The following CHCHD3 variants were observed in gnomAD, a reference collection of about 807,000 sequenced individuals.
CHCHD3 encodes the protein coiled-coil-helix-coiled-coil-helix domain containing 3.
A neutral mutation model predicts 38.2 loss-of-function variants in CHCHD3; 20 were observed. The ratio of observed to expected loss-of-function variants is 0.52; its 90% CI spans 0.37 to 0.76. The LOEUF is 0.76. Among genes scored for constraint, CHCHD3 ranks in the 30% least tolerant of loss-of-function variants. The pLI is 0.00. For synonymous variants in CHCHD3, 82 were observed against 100.0 expected (o/e 0.82, Z 1.07); for missense variants, 245 against 279.2 (o/e 0.88, Z 0.87).
intron 3 of CHCHD3, among the ~76,000 whole-genome samples, chr7:133,012,210 A>T (rs1018489350): frequency 5.3e-5 from 8 of 152,236 alleles, no homozygotes; most frequent in African/African-American, 1.9e-4. Context: ...CTTTAATTCT[A>T]TAAAAACTGA....
intron 3 of CHCHD3, among the ~76,000 whole-genome samples, chr7:133,020,542 G>A (rs1397911929): frequency 1.3e-5 from 2 of 152,190 alleles, no homozygotes; most frequent in Admixed American, 6.5e-5. Context: ...AAATTTTATG[G>A]TCTGAAGTGT....
chr7:133,026,171 GA>G (rs1813331547), intron 2 of CHCHD3, among the ~76,000 whole-genome samples: 1 of 152,056 alleles, frequency 6.6e-6, no homozygotes, highest in African/African-American at 2.4e-5. Context: ...AATATATAAA[GA>G]ACTCTTACAG....
intron 4 of CHCHD3, among the ~76,000 whole-genome samples, chr7:132,972,073 T>C (rs1399929688): frequency 2.0e-5 from 3 of 152,164 alleles, no homozygotes; most frequent in Non-Finnish European, 2.9e-5. Flanking sequence ...ATAAAATATA[T>C]ACATATGGGG....
At chr7:133,057,579 G>GA (rs1009795165) in intron 2 of CHCHD3, among the ~76,000 whole-genome samples, 6 of 151,682 alleles carry the variant, frequency 4.0e-5, no homozygotes, top group Non-Finnish European at 8.8e-5. Flanking sequence ...GAAAAAAAAA[G>GA]AAAAAAGGTT....
intron 5 of CHCHD3, among the ~76,000 whole-genome samples, chr7:132,878,101 T>G (rs1222778416): frequency 1.3e-5 from 2 of 152,196 alleles, no homozygotes; most frequent in African/African-American, 4.8e-5. Context: ...GTATCTCAGA[T>G]GTCAGTAGAC....
At chr7:133,003,660 TAC>T (rs577627943) in intron 3 of CHCHD3, among the ~76,000 whole-genome samples, 57 of 152,296 alleles carry the variant, frequency 3.7e-4, no homozygotes, top group South Asian at 1.0e-3. Context: ...TGTTCAAATT[TAC>T]ACAGTCTTCT....
chr7:133,019,459 C>T (rs1813122236), intron 3 of CHCHD3, among the ~76,000 whole-genome samples: 1 of 152,010 alleles, frequency 6.6e-6, no homozygotes, highest in Non-Finnish European at 1.5e-5. Context: ...ATCAACAATG[C>T]TATCAATGGA....
intron 5 of CHCHD3, among the ~76,000 whole-genome samples, chr7:132,847,854 G>A (rs1808119636): frequency 6.6e-6 from 1 of 152,174 alleles, no homozygotes; most frequent in African/African-American, 2.4e-5. Flanking sequence ...TAAGAAAAAT[G>A]TAACTGGCTC....
intron 6 of CHCHD3, chr7:132,813,620 G>A (rs945483566): frequency 6.6e-6 from 1 of 152,118 alleles, no homozygotes; most frequent in African/African-American, 2.4e-5. Context: ...ATATATTTCT[G>A]CAGGTTATTC....
intron 4 of CHCHD3, among the ~76,000 whole-genome samples, chr7:132,948,252 T>G (rs2117282341): frequency 6.6e-6 from 1 of 152,244 alleles, no homozygotes; most frequent in East Asian, 1.9e-4. Flanking sequence ...TGACTCTGAC[T>G]GCTGGCTGTT....
At chr7:132,976,631 G>A (rs975820459) in intron 3 of CHCHD3, among the ~76,000 whole-genome samples, 4 of 152,050 alleles carry the variant, frequency 2.6e-5, no homozygotes, top group East Asian at 3.8e-4. Context: ...GCTTTAAAAA[G>A]GAAAAGTAAA....
At chr7:132,822,603 A>G (rs901354192) in intron 6 of CHCHD3, among the ~76,000 whole-genome samples, 2 of 152,150 alleles carry the variant, frequency 1.3e-5, no homozygotes, top group African/African-American at 4.8e-5. Flanking sequence ...ATTAACCCTT[A>G]TTAACAACCC....
chr7:133,056,106 C>G (rs1329713814), intron 2 of CHCHD3, among the ~76,000 whole-genome samples: 1 of 151,768 alleles, frequency 6.6e-6, no homozygotes, highest in Non-Finnish European at 1.5e-5. Flanking sequence ...TATGATCACA[C>G]CACTGCATTC....
At chr7:133,031,016 T>G (rs181998410) in intron 2 of CHCHD3, among the ~76,000 whole-genome samples, 1 of 152,296 alleles carries the variant, frequency 6.6e-6, no homozygotes, top group East Asian at 1.9e-4. Context: ...AAGGGTCTTC[T>G]TTAAGGTTTG....
At chr7:132,952,817 C>T (rs568089189) in intron 4 of CHCHD3, among the ~76,000 whole-genome samples, 1 of 152,306 alleles carries the variant, frequency 6.6e-6, no homozygotes, top group African/African-American at 2.4e-5. Flanking sequence ...TGGGAGTTGG[C>T]CTCAAGGCAC....
chr7:132,931,268 G>A (rs532192370), intron 4 of CHCHD3, among the ~76,000 whole-genome samples: 2 of 152,226 alleles, frequency 1.3e-5, no homozygotes, highest in African/African-American at 2.4e-5. Flanking sequence ...GACCACATGA[G>A]ATAACATACA....
intron 3 of CHCHD3, among the ~76,000 whole-genome samples, chr7:132,984,051 TGGTCTCCCTCTCCCCAC>T (rs71178071): frequency 2.2e-5 from 2 of 92,350 alleles, no homozygotes; most frequent in Non-Finnish European, 5.0e-5. Flanking sequence ...CCTCTCCCCA[TGGTCTCCCTCTCCCCAC>T]GGTCTCCCTC....
chr7:132,848,620 T>C (rs970904978), intron 5 of CHCHD3, among the ~76,000 whole-genome samples: 5 of 152,200 alleles, frequency 3.3e-5, no homozygotes, highest in Non-Finnish European at 5.9e-5. Flanking sequence ...TAATCAGTAA[T>C]AGTCCAAATT....
chr7:132,881,191 T>C (rs1474724980), intron 5 of CHCHD3, among the ~76,000 whole-genome samples: 2 of 152,178 alleles, frequency 1.3e-5, no homozygotes, highest in Admixed American at 6.5e-5. Context: ...ATTACACTTA[T>C]TACTCCTAAC....
Sources: allele counts gnomAD v4.1 joint callset (sites outside exome capture counted in the v4.1 genomes callset), GRCh38; gene constraint gnomAD v4.1.1; transcripts MANE v1.5; gene names NCBI Gene and HGNC (gene_info 2026-07-23, HGNC 2026-07-21).